LAMA2: variants seen among roughly 807,000 people sequenced by gnomAD.
LAMA2 encodes the protein laminin subunit alpha 2.
A neutral mutation model predicts 364.8 loss-of-function variants in LAMA2; 269 were observed. The observed-to-expected ratio is 0.74, with a 90% CI of 0.67 to 0.82. LAMA2 has a LOEUF of 0.82. LAMA2 is among the 40% of genes least tolerant of loss of function. The probability of loss-of-function intolerance (pLI) is 0.00; values close to 1 mark genes in which losing one functional copy is unlikely to be tolerated. For missense variants in LAMA2, 3,807 were observed against 3,873.2 expected, an observed-to-expected ratio of 0.98 and a Z score of 0.45; for synonymous variants, 1,379 against 1,370.6, an observed-to-expected ratio of 1.01 and a Z score of -0.14.
intron 40 of LAMA2, among the ~76,000 whole-genome samples, chr6:129,413,588 T>A (rs180748164): frequency 6.6e-6 from 1 of 152,234 alleles, no homozygotes; most frequent in Admixed American, 6.5e-5. Flanking sequence ...CATCCTCTTA[T>A]CATAATGCAA....
intron 4 of LAMA2, among the ~76,000 whole-genome samples, chr6:129,115,856 C>T (rs761136617): frequency 2.0e-5 from 3 of 152,142 alleles, no homozygotes; most frequent in Non-Finnish European, 2.9e-5. Context: ...AGATAATTTA[C>T]ATAACACATC....
intron 1 of LAMA2, among the ~76,000 whole-genome samples, chr6:128,998,040 C>G (rs981080509): frequency 1.3e-5 from 2 of 151,972 alleles, no homozygotes; most frequent in Non-Finnish European, 2.9e-5. Flanking sequence ...AGTCAGAGAG[C>G]TGCACAGATG....
At chr6:129,458,510 G>A (rs1475315047) in intron 48 of LAMA2, among the ~76,000 whole-genome samples, 1 of 151,868 alleles carries the variant, frequency 6.6e-6, no homozygotes, top group Non-Finnish European at 1.5e-5. Flanking sequence ...AAATGAGCAG[G>A]AAAATCTCTC....
At chr6:129,156,778 T>G (rs1779141102) in intron 8 of LAMA2, among the ~76,000 whole-genome samples, 1 of 152,144 alleles carries the variant, frequency 6.6e-6, no homozygotes, top group Non-Finnish European at 1.5e-5. Flanking sequence ...AAACTTCTTT[T>G]GGCCTTGGCA....
At chr6:129,512,308 GA>G in intron 62 of LAMA2, 54 bp from the exon 63 acceptor site, 1 of 1,544,074 alleles carries the variant, frequency 6.5e-7, no homozygotes, top group Non-Finnish European at 8.9e-7. Flanking sequence ...GTACACGTTT[GA>G]ATTAACAATC....
At position 129,514,605 on chromosome 6, in the gene LAMA2, G is replaced by A. The variant is rs1786882209; in HGVS notation, c.9211+10G>A. 6.3e-7 allele frequency: 1 copy of A among 1,598,910 alleles called. No individual in the cohort carries two copies. ...GTTGGAGGCTTCCCAGGTGAGTGTTGGCTACCCCAGCAACAATTTCTTTGC... is the reference window on the plus strand; with the variant it reads ...GTTGGAGGCTTCCCAGGTGAGTGTTAGCTACCCCAGCAACAATTTCTTTGC... On this transcript the variant is annotated intron_variant, in intron 64 of 64. Coordinates refer to ENST00000421865, the MANE Select transcript of LAMA2 (RefSeq NM_000426.4).
intron 12 of LAMA2, among the ~76,000 whole-genome samples, chr6:129,220,094 C>T (rs1006369640): frequency 7.2e-5 from 11 of 151,986 alleles, no homozygotes; most frequent in African/African-American, 2.7e-4. Context: ...TTTGCATTTA[C>T]CAAGTGGGAG....
At chr6:129,299,142 T>C (rs1448138729) in intron 21 of LAMA2, among the ~76,000 whole-genome samples, 1 of 150,584 alleles carries the variant, frequency 6.6e-6, no homozygotes, top group East Asian at 1.9e-4. Flanking sequence ...AGAAACACCA[T>C]AGAAAAAAAA....
intron 1 of LAMA2, among the ~76,000 whole-genome samples, chr6:128,955,749 G>A (rs1298707035): frequency 2.6e-5 from 4 of 151,802 alleles, no homozygotes; most frequent in Non-Finnish European, 4.4e-5. Flanking sequence ...CAAATCTGAG[G>A]AGCAAATATA....
Position 128,909,537 on chromosome 6 carries a change from C to T in LAMA2, c.112+26180C>T, listed in dbSNP as rs1472966951. 2.1e-4 allele frequency among the ~76,000 whole-genome samples: 31 copies of T among 148,078 alleles called. No homozygotes were observed. The East Asian group carries it at 3.6e-3, about 17-fold the overall frequency. On this transcript the variant is annotated intron_variant, in intron 1 of 64. Coordinates refer to ENST00000421865, the MANE Select transcript of LAMA2 (RefSeq NM_000426.4). ...TTTTGAGCCTATGTGTGTCTCTGCA[C>T]GTGAGATGGGTTTCCTGAATACAGC...
intron 1 of LAMA2, among the ~76,000 whole-genome samples, chr6:129,023,177 T>A (rs1785557821): frequency 6.6e-6 from 1 of 152,190 alleles, no homozygotes; most frequent in Admixed American, 6.5e-5. Context: ...TTAAATCCAA[T>A]AAGCCTTTCA....
intron 1 of LAMA2, among the ~76,000 whole-genome samples, chr6:128,982,987 C>T (rs1399922751): frequency 4.0e-5 from 6 of 150,824 alleles, no homozygotes; most frequent in African/African-American, 1.5e-4. Context: ...GTATATGTGC[C>T]ACATTTTCTT....
chr6:129,499,230 C>T (rs956341057), intron 58 of LAMA2, among the ~76,000 whole-genome samples: 18 of 152,060 alleles, frequency 1.2e-4, no homozygotes, highest in East Asian at 1.9e-4. Flanking sequence ...AATTGTAACA[C>T]GTTGAGATTG....
intron 1 of LAMA2, among the ~76,000 whole-genome samples, chr6:128,949,360 C>T (rs1052783458): frequency 1.3e-5 from 2 of 148,362 alleles, no homozygotes; most frequent in African/African-American, 4.9e-5. Context: ...TAGAACCAAA[C>T]TGTTGCTCTC....
chr6:129,236,805 A>G (rs954210202), intron 12 of LAMA2, among the ~76,000 whole-genome samples: 14 of 152,162 alleles, frequency 9.2e-5, no homozygotes, highest in Admixed American at 7.9e-4. Flanking sequence ...CATACTATAC[A>G]CATTATAAGA....
chr6:128,931,376 T>C (rs1274600313), intron 1 of LAMA2, among the ~76,000 whole-genome samples: 1 of 152,180 alleles, frequency 6.6e-6, no homozygotes. Context: ...GAAAATTCTT[T>C]TGCATAATGC....
intron 7 of LAMA2, among the ~76,000 whole-genome samples, chr6:129,149,529 C>T (rs1001120254): frequency 1.8e-4 from 28 of 152,224 alleles, no homozygotes; most frequent in African/African-American, 6.0e-4. Flanking sequence ...GCTTGATAGA[C>T]ATTTTAAATT....
intron 12 of LAMA2, among the ~76,000 whole-genome samples, chr6:129,239,149 C>G (rs946644953): frequency 3.9e-5 from 6 of 152,172 alleles, no homozygotes; most frequent in African/African-American, 1.4e-4. Context: ...ATCATCACAA[C>G]AACGCTATGA....
chr6:129,066,038 G>GTTTTTGTTTTTTTTTTT (rs1789282203), intron 3 of LAMA2, among the ~76,000 whole-genome samples: 2 of 37,116 alleles, frequency 5.4e-5, no homozygotes, highest in African/African-American at 1.7e-4. Flanking sequence ...CCAGTCTCAG[G>GTTTTTGTTTTTTTTTTT]TTTTTTTTTT....
Sources: gnomAD v4.1 joint callset for allele counts (sites outside exome capture counted in the v4.1 genomes callset) on GRCh38, gnomAD v4.1.1 for gene constraint, MANE v1.5 for transcripts, NCBI Gene and HGNC (gene_info 2026-07-23, HGNC 2026-07-21) for gene names.